The following SGCZ variants were observed in gnomAD, a reference collection of about 807,000 sequenced individuals.
The protein encoded by SGCZ is sarcoglycan zeta, also known as zeta-sarcoglycan.
A neutral mutation model predicts 41.3 loss-of-function variants in SGCZ; 40 were observed. The ratio of observed to expected loss-of-function variants is 0.97; its 90% CI spans 0.75 to 1.26. SGCZ has a LOEUF of 1.26. Among genes scored for constraint, SGCZ ranks in the 50% most tolerant of loss-of-function variants. SGCZ has a pLI of 0.00. For missense variants in SGCZ, 552 were observed against 369.8 expected, an observed-to-expected ratio of 1.49 and a Z score of -4.04; for synonymous variants, 206 against 137.5, an observed-to-expected ratio of 1.50 and a Z score of -3.49.
At chr8:14,587,814 C>A (rs1444243492) in intron 1 of SGCZ, among the ~76,000 whole-genome samples, 1 of 152,014 alleles carries the variant, frequency 6.6e-6, no homozygotes, top group African/African-American at 2.4e-5. Context: ...CTCAAAATAA[C>A]AAATATGAAA....
chr8:14,539,757 A>T (rs11203623), intron 2 of SGCZ, among the ~76,000 whole-genome samples: 152,027 of 152,100 alleles, frequency 1, 75,977 homozygotes, highest in Middle Eastern at 1. Context: ...CCATGTGTTC[A>T]CATGATTTAG....
At chr8:14,799,887 A>C (rs928510266) in intron 1 of SGCZ, among the ~76,000 whole-genome samples, 4 of 152,110 alleles carry the variant, frequency 2.6e-5, no homozygotes, top group African/African-American at 9.7e-5. Context: ...AAGAAGAAGA[A>C]ATGGAGGTTG....
At chr8:14,497,928 T>C (rs36037695) in intron 2 of SGCZ, among the ~76,000 whole-genome samples, 25,705 of 152,140 alleles carry the variant, frequency 0.17, 2,302 homozygotes, top group Admixed American at 0.2. Context: ...AACCATTTAC[T>C]TTCCCATCCA....
intron 1 of SGCZ, among the ~76,000 whole-genome samples, chr8:15,131,812 AC>A (rs1424436218): frequency 6.6e-6 from 1 of 152,210 alleles, no homozygotes; most frequent in Non-Finnish European, 1.5e-5. Context: ...GGCTAAAAAA[AC>A]ATCTTGAGAA....
At chr8:14,897,444 G>C (rs1805242878) in intron 1 of SGCZ, among the ~76,000 whole-genome samples, 1 of 152,082 alleles carries the variant, frequency 6.6e-6, no homozygotes, top group East Asian at 1.9e-4. Flanking sequence ...AGTTTCTTTG[G>C]ATCAATGTCT....
chr8:14,477,758 G>T (rs979329492), intron 2 of SGCZ, among the ~76,000 whole-genome samples: 14 of 152,118 alleles, frequency 9.2e-5, no homozygotes, highest in African/African-American at 3.4e-4. Flanking sequence ...TAAAAGAGAA[G>T]GAAATGTAGG....
intron 3 of SGCZ, among the ~76,000 whole-genome samples, chr8:14,240,921 T>C (rs1301085386): frequency 1.3e-5 from 2 of 152,184 alleles, no homozygotes; most frequent in Non-Finnish European, 2.9e-5. Flanking sequence ...AATCTTTCAG[T>C]CATTTAAGGG....
intron 2 of SGCZ, among the ~76,000 whole-genome samples, chr8:14,485,184 C>G (rs1385449586): frequency 6.6e-6 from 1 of 152,162 alleles, no homozygotes; most frequent in African/African-American, 2.4e-5. Context: ...GATGATCCAA[C>G]TAAAAACTAC....
chr8:14,659,820 C>A (rs1054530942), intron 1 of SGCZ, among the ~76,000 whole-genome samples: 2 of 152,130 alleles, frequency 1.3e-5, no homozygotes, highest in East Asian at 1.9e-4. Context: ...AAATAGGATA[C>A]CTGCATGTGT....
intron 1 of SGCZ, among the ~76,000 whole-genome samples, chr8:14,617,328 T>A (rs1187916615): frequency 6.6e-6 from 1 of 152,160 alleles, no homozygotes; most frequent in Non-Finnish European, 1.5e-5. Context: ...AACATTAGGG[T>A]CCCTGGGAAC....
At chr8:15,152,715 T>C (rs1563153501) in intron 1 of SGCZ, among the ~76,000 whole-genome samples, 3 of 152,250 alleles carry the variant, frequency 2.0e-5, no homozygotes, top group Non-Finnish European at 4.4e-5. Context: ...TCATTGAAGT[T>C]GCTCCAGAGT....
At chr8:14,526,172 C>A (rs1390882604) in intron 2 of SGCZ, among the ~76,000 whole-genome samples, 4 of 152,090 alleles carry the variant, frequency 2.6e-5, no homozygotes, top group Non-Finnish European at 4.4e-5. Context: ...AATTTAGCAA[C>A]CATAATTTCT....
intron 3 of SGCZ, among the ~76,000 whole-genome samples, chr8:14,285,849 G>T (rs1037536162): frequency 6.6e-6 from 1 of 152,118 alleles, no homozygotes; most frequent in Non-Finnish European, 1.5e-5. Flanking sequence ...TCAGGGGTTT[G>T]TATTACTTAC....
At chr8:14,770,644 C>G (rs1800206375) in intron 1 of SGCZ, among the ~76,000 whole-genome samples, 1 of 152,008 alleles carries the variant, frequency 6.6e-6, no homozygotes, top group African/African-American at 2.4e-5. Flanking sequence ...GCACAGATGT[C>G]CATTATGTAT....
intron 2 of SGCZ, among the ~76,000 whole-genome samples, chr8:14,416,304 G>A (rs1345825630): frequency 2.0e-5 from 3 of 151,918 alleles, no homozygotes; most frequent in Admixed American, 6.6e-5. Flanking sequence ...CCGAGCAGCT[G>A]TTGTCCTGTA....
At chr8:14,840,541 G>A (rs1340632172) in intron 1 of SGCZ, among the ~76,000 whole-genome samples, 2 of 152,030 alleles carry the variant, frequency 1.3e-5, no homozygotes, top group East Asian at 1.9e-4. Flanking sequence ...TTAAAAATCT[G>A]TACTCAGATA....
intron 1 of SGCZ, among the ~76,000 whole-genome samples, chr8:14,774,516 C>T (rs1458482250): frequency 6.6e-6 from 1 of 152,184 alleles, no homozygotes; most frequent in African/African-American, 2.4e-5. Context: ...TGTTGCAGCC[C>T]TTATGGCTTC....
intron 2 of SGCZ, chr8:14,487,821 G>A (rs1470435400): frequency 6.6e-6 from 1 of 151,030 alleles, no homozygotes; most frequent in Non-Finnish European, 1.5e-5. Flanking sequence ...TTTGGACAGG[G>A]GGCCTGCTAG....
intron 1 of SGCZ, among the ~76,000 whole-genome samples, chr8:15,067,536 G>A (rs567225134): frequency 1.2e-3 from 190 of 152,140 alleles, no homozygotes; most frequent in African/African-American, 4.4e-3. Flanking sequence ...ATTCCCTAGC[G>A]CCCTTGGCAA....
Sources: allele counts gnomAD v4.1 joint callset (sites outside exome capture counted in the v4.1 genomes callset), GRCh38; gene constraint gnomAD v4.1.1; transcripts MANE v1.5; gene names NCBI Gene and HGNC (gene_info 2026-07-23, HGNC 2026-07-21).